Variants in LGR6 observed in about 807,000 individuals in gnomAD.
LGR6 encodes leucine rich repeat containing G protein-coupled receptor 6, also known as leucine-rich repeat-containing G protein-coupled receptor 6.
A neutral mutation model predicts 69.4 loss-of-function variants in LGR6; 45 were observed. That is an observed-to-expected ratio of 0.65 (90% CI 0.51 to 0.83). The LOEUF (loss-of-function observed/expected upper bound fraction) is 0.83. LGR6 is among the 40% of genes least tolerant of loss of function. LGR6 has a pLI of 0.00. For missense variants in LGR6, 1,108 were observed against 1,246.7 expected (o/e 0.89, Z 1.68); for synonymous variants, 538 against 555.0 (o/e 0.97, Z 0.43).
intron 1 of LGR6, among the ~76,000 whole-genome samples, chr1:202,223,602 C>A (rs1215413387): frequency 4.6e-5 from 7 of 151,894 alleles, no homozygotes; most frequent in Admixed American, 1.3e-4. Context: ...CTCTGTACCC[C>A]CTCAGGGAAG....
At chr1:202,258,710 T>C (rs879237529) in intron 4 of LGR6, among the ~76,000 whole-genome samples, 3 of 152,084 alleles carry the variant, frequency 2.0e-5, no homozygotes, top group Non-Finnish European at 2.9e-5. Context: ...AATTCTCTTA[T>C]TAATCTTAAG....
At chr1:202,230,710 AG>A (rs1660957484) in intron 3 of LGR6, among the ~76,000 whole-genome samples, 2 of 152,270 alleles carry the variant, frequency 1.3e-5, no homozygotes, top group South Asian at 4.1e-4. Flanking sequence ...TCTCCATCAC[AG>A]GTTTCTTTCC....
intron 1 of LGR6, among the ~76,000 whole-genome samples, chr1:202,202,211 G>A (rs3010096): frequency 0.35 from 53,118 of 151,984 alleles, 9,915 homozygotes; most frequent in South Asian, 0.63. Context: ...TCATCTCCAC[G>A]ACCTGTTCTG....
intron 3 of LGR6, among the ~76,000 whole-genome samples, chr1:202,229,056 T>TA (rs909816673): frequency 5.9e-5 from 9 of 152,156 alleles, no homozygotes; most frequent in African/African-American, 1.9e-4. Context: ...CGATATCTTT[T>TA]AAAAATGTAC....
Position 202,269,503 on chromosome 1 carries a change from G to C in LGR6, c.429-6803G>C, listed in dbSNP as rs371278964. ...AAGGGATACTTCAGGTACTAGGACT[G>C]GCTGGAGATACTTTCTTAGGATGAG... On this transcript the variant is annotated intron_variant, in intron 4 of 17. Transcript: ENST00000367278. Among the ~76,000 whole-genome samples, 93 of 152,332 alleles carry C rather than the reference G, an allele frequency of 6.1e-4. No individual in the cohort carries two copies. In the South Asian group the frequency reaches 0.012, roughly 20 times the overall value.
chr1:202,288,365 T>G (rs1382660544), intron 6 of LGR6, among the ~76,000 whole-genome samples: 1 of 152,216 alleles, frequency 6.6e-6, no homozygotes, highest in East Asian at 1.9e-4. Context: ...CTTAATTGCC[T>G]GCCCCTTACC....
At chr1:202,286,107 C>T (rs1458879788) in intron 6 of LGR6, among the ~76,000 whole-genome samples, 1 of 152,214 alleles carries the variant, frequency 6.6e-6, no homozygotes, top group Non-Finnish European at 1.5e-5. Flanking sequence ...AGGATGATCT[C>T]ATCTTGAGAT....
chr1:202,258,854 G>A (rs1663999768), intron 4 of LGR6, among the ~76,000 whole-genome samples: 2 of 151,938 alleles, frequency 1.3e-5, no homozygotes, highest in South Asian at 2.1e-4. Flanking sequence ...TTATGACAAT[G>A]AACATATTTA....
At chr1:202,199,661 C>T (rs190824642) in intron 1 of LGR6, among the ~76,000 whole-genome samples, 70 of 151,774 alleles carry the variant, frequency 4.6e-4, no homozygotes, top group African/African-American at 1.6e-3. Context: ...CTGACCCACG[C>T]CCCCCGGGGG....
chr1:202,308,039 T>A (rs1013286294), intron 14 of LGR6, among the ~76,000 whole-genome samples: 7 of 152,136 alleles, frequency 4.6e-5, no homozygotes, highest in African/African-American at 1.7e-4. Flanking sequence ...TAAAAGCACA[T>A]CTACCTAGAC....
At chr1:202,305,648 A>G (rs757187804) in intron 11 of LGR6, 36 bp from the exon 12 acceptor site, 4 of 1,600,112 alleles carry the variant, frequency 2.5e-6, no homozygotes, top group South Asian at 1.1e-5. Flanking sequence ...GATAGCCACC[A>G]TTTCACCCCA....
chr1:202,258,869 G>A (rs1450393861), intron 4 of LGR6, among the ~76,000 whole-genome samples: 1 of 151,886 alleles, frequency 6.6e-6, no homozygotes, highest in East Asian at 1.9e-4. Flanking sequence ...TATTTATCTT[G>A]TTCTGGATTT....
At chr1:202,201,832 T>C (rs1658848667) in intron 1 of LGR6, among the ~76,000 whole-genome samples, 1 of 152,074 alleles carries the variant, frequency 6.6e-6, no homozygotes, top group African/African-American at 2.4e-5. Flanking sequence ...GCACAGAAAT[T>C]GGGGACTCTG....
chr1:202,241,396 G>A (rs1435335556), intron 4 of LGR6, among the ~76,000 whole-genome samples: 1 of 152,216 alleles, frequency 6.6e-6, no homozygotes, highest in Non-Finnish European at 1.5e-5. Flanking sequence ...TGAGTGAGGA[G>A]TGGGGCTAGG....
At chr1:202,315,644 G>A (rs932175535) in intron 17 of LGR6, among the ~76,000 whole-genome samples, 6 of 152,166 alleles carry the variant, frequency 3.9e-5, no homozygotes, top group South Asian at 4.1e-4. Flanking sequence ...CTTCTATTTC[G>A]TTCCACCTCC....
chr1:202,254,636 C>T (rs10920374), intron 4 of LGR6, among the ~76,000 whole-genome samples: 91,640 of 152,066 alleles, frequency 0.6, 28,984 homozygotes, highest in East Asian at 0.83. Flanking sequence ...GACATGTTCA[C>T]AAATAGTACA....
At chr1:202,287,055 G>T (rs964272622) in intron 6 of LGR6, among the ~76,000 whole-genome samples, 2 of 152,160 alleles carry the variant, frequency 1.3e-5, no homozygotes, top group Admixed American at 1.3e-4. Flanking sequence ...GGGGTGGGAA[G>T]CTTGGCCCAC....
At chr1:202,245,196 C>T (rs1412420301) in intron 4 of LGR6, among the ~76,000 whole-genome samples, 1 of 150,814 alleles carries the variant, frequency 6.6e-6, no homozygotes, top group East Asian at 2.0e-4. Flanking sequence ...GCCTCCCTGG[C>T]ATGGCTATTT....
At chr1:202,267,617 A>G (rs1273207186) in intron 4 of LGR6, among the ~76,000 whole-genome samples, 1 of 152,190 alleles carries the variant, frequency 6.6e-6, no homozygotes, top group Non-Finnish European at 1.5e-5. Flanking sequence ...GATGGGAAGC[A>G]TAAGGTTCCT....
Sources: allele counts gnomAD v4.1 joint callset (sites outside exome capture counted in the v4.1 genomes callset), GRCh38; gene constraint gnomAD v4.1.1; transcripts MANE v1.5; gene names NCBI Gene and HGNC (gene_info 2026-07-23, HGNC 2026-07-21).